Variants in KCNQ5 observed in about 807,000 individuals in gnomAD.
KCNQ5 encodes potassium voltage-gated channel subfamily Q member 5, also known as potassium voltage-gated channel subfamily KQT member 5.
In KCNQ5, 30 loss-of-function variants were observed where a neutral mutation model predicts 98.2. The ratio of observed to expected loss-of-function variants is 0.31; its 90% CI spans 0.23 to 0.41. The LOEUF is 0.41. Ranked by LOEUF, KCNQ5 falls within the 10% of genes least tolerant of loss-of-function variation. The probability of loss-of-function intolerance (pLI) is 1.00; values close to 1 mark genes in which losing one functional copy is unlikely to be tolerated. For synonymous variants in KCNQ5, 458 were observed against 449.4 expected (o/e 1.02, Z -0.24); for missense variants, 835 against 1,182.5 (o/e 0.71, Z 4.31).
intron 10 of KCNQ5, chr6:73,158,253 G>GTTTTTTTTGTTGTT (rs1562211876): frequency 6.4e-6 from 1 of 157,256 alleles, no homozygotes; most frequent in Non-Finnish European, 1.4e-5. Context: ...AATTTTGGAA[G>GTTTTTTTTGTTGTT]ATTTTTTTTT....
intron 3 of KCNQ5, among the ~76,000 whole-genome samples, chr6:73,064,239 A>G (rs976937908): frequency 2.0e-5 from 3 of 152,342 alleles, no homozygotes; most frequent in Non-Finnish European, 4.4e-5. Flanking sequence ...AGTTTCTTAA[A>G]GAAAAATTAC....
rs181876080 is a variant in KCNQ5, at chr6:72,642,358, A to G, written c.398+19771A>G. Among the ~76,000 whole-genome samples the G allele has an allele frequency of 1.8e-3, 275 of 152,102 alleles. 4 individuals carry two copies. The highest frequency in any genetic ancestry group is 4.0e-4 in the Non-Finnish European group (27 of 67,996). On this transcript the variant is annotated intron_variant, in intron 1 of 13. Transcript: ENST00000370398. Reference sequence around the variant, plus strand: ...ACTTTTATTTTAAGTTCTGGGGTACATGTGCAGGATGTGCAGGTTTGTTAC... The same window carrying G: ...ACTTTTATTTTAAGTTCTGGGGTACGTGTGCAGGATGTGCAGGTTTGTTAC...
chr6:72,931,843 G>T (rs1343858360), intron 1 of KCNQ5, among the ~76,000 whole-genome samples: 1 of 152,172 alleles, frequency 6.6e-6, no homozygotes, highest in Non-Finnish European at 1.5e-5. Flanking sequence ...CTGCCAGAGA[G>T]AGCTTCCAGA....
intron 1 of KCNQ5, among the ~76,000 whole-genome samples, chr6:72,805,878 T>G (rs1774927852): frequency 6.6e-6 from 1 of 152,158 alleles, no homozygotes; most frequent in Admixed American, 6.6e-5. Flanking sequence ...GTAGAACTCT[T>G]TCAATTCTTT....
At chr6:72,777,947 G>A (rs896542537) in intron 1 of KCNQ5, among the ~76,000 whole-genome samples, 1 of 152,190 alleles carries the variant, frequency 6.6e-6, no homozygotes. Context: ...TCAAATGCCT[G>A]TAGAATATTC....
rs557785804 is a variant in KCNQ5, at chr6:72,862,624, T to TTTTA, written c.399-141268_399-141265dup. Reference sequence around the variant, plus strand: ...AAACCTAGCCAATGTCTTCCTACTTTTTTATTTATTTATTTATTTTTGAGA... The same window carrying TTTTA: ...AAACCTAGCCAATGTCTTCCTACTTTTTTATTTATTTATTTATTTATTTTTGAGA... On this transcript the variant is annotated intron_variant, in intron 1 of 13. Transcript: ENST00000370398. Among the ~76,000 whole-genome samples the TTTTA allele has an allele frequency of 1.2e-3, 186 of 152,206 alleles. 2 individuals carry two copies. Among genetic ancestry groups the TTTTA allele is most frequent in the African/African-American group, 3.8e-3 (156 of 41,528 alleles).
intron 1 of KCNQ5, among the ~76,000 whole-genome samples, chr6:72,736,918 G>C (rs1286207202): frequency 6.6e-6 from 1 of 152,096 alleles, no homozygotes; most frequent in Non-Finnish European, 1.5e-5. Flanking sequence ...TTGTAATATA[G>C]AGCTTTTAAA....
chr6:72,794,879 G>T (rs1453808497), intron 1 of KCNQ5, among the ~76,000 whole-genome samples: 1 of 152,190 alleles, frequency 6.6e-6, no homozygotes, highest in Admixed American at 6.5e-5. Flanking sequence ...TCATTTGGTT[G>T]CAAGTTACAG....
At chr6:73,037,017 T>C (rs1041251405) in intron 2 of KCNQ5, among the ~76,000 whole-genome samples, 3 of 152,214 alleles carry the variant, frequency 2.0e-5, no homozygotes, top group African/African-American at 4.8e-5. Flanking sequence ...GTTGTCACTA[T>C]TTTTTGCCAC....
chr6:72,854,664 A>G (rs1483292957), intron 1 of KCNQ5, among the ~76,000 whole-genome samples: 3 of 150,606 alleles, frequency 2.0e-5, no homozygotes, highest in Non-Finnish European at 3.0e-5. Context: ...CAAAACATGA[A>G]AAAATCATAT....
intron 1 of KCNQ5, among the ~76,000 whole-genome samples, chr6:72,739,697 G>A (rs951057062): frequency 7.9e-5 from 12 of 152,150 alleles, no homozygotes; most frequent in African/African-American, 2.4e-4. Context: ...ACCTACAGAC[G>A]GTCTGTTCAG....
At chr6:72,658,909 C>A (rs780350813) in intron 1 of KCNQ5, among the ~76,000 whole-genome samples, 9 of 152,110 alleles carry the variant, frequency 5.9e-5, no homozygotes, top group Admixed American at 2.0e-4. Flanking sequence ...ATACACATTT[C>A]TTAGAATCAT....
intron 1 of KCNQ5, among the ~76,000 whole-genome samples, chr6:72,914,815 T>C (rs1431975598): frequency 6.6e-6 from 1 of 151,682 alleles, no homozygotes; most frequent in African/African-American, 2.4e-5. Flanking sequence ...CATTCGGGTC[T>C]CAAGCCAGGG....
intron 1 of KCNQ5, among the ~76,000 whole-genome samples, chr6:72,705,599 T>TTTTG (rs61085754): frequency 0.046 from 6,919 of 151,238 alleles, 492 homozygotes; most frequent in African/African-American, 0.16. Context: ...TGTTTTTTTT[T>TTTTG]TTGTTGTTGT....
chr6:73,156,977 G>A (rs1037622831), intron 10 of KCNQ5, among the ~76,000 whole-genome samples: 13 of 152,274 alleles, frequency 8.5e-5, no homozygotes, highest in African/African-American at 3.1e-4. Flanking sequence ...GTGGGGCCAC[G>A]GGGCTGGGGG....
chr6:72,756,270 G>A (rs1257008086), intron 1 of KCNQ5, among the ~76,000 whole-genome samples: 2 of 152,106 alleles, frequency 1.3e-5, no homozygotes, highest in Non-Finnish European at 2.9e-5. Flanking sequence ...TCTCTAATGG[G>A]CTCAAGGAAA....
chr6:72,961,965 C>T (rs1767376991), intron 1 of KCNQ5, among the ~76,000 whole-genome samples: 1 of 151,546 alleles, frequency 6.6e-6, no homozygotes, highest in Non-Finnish European at 1.5e-5. Context: ...TCCCTTGAGT[C>T]CAGGAGTTTG....
At chr6:73,148,493 A>G (rs1777009234) in intron 10 of KCNQ5, among the ~76,000 whole-genome samples, 1 of 152,238 alleles carries the variant, frequency 6.6e-6, no homozygotes, top group African/African-American at 2.4e-5. Flanking sequence ...AATCAAGTTT[A>G]CCAAATCACA....
At chr6:72,987,338 G>A (rs1388967053) in intron 1 of KCNQ5, 23 of 713,334 alleles carry the variant, frequency 3.2e-5, no homozygotes. Context: ...TAGACCAGGT[G>A]AGGCGAAAGG....
Sources: allele counts gnomAD v4.1 joint callset (sites outside exome capture counted in the v4.1 genomes callset), GRCh38; gene constraint gnomAD v4.1.1; transcripts MANE v1.5; gene names NCBI Gene and HGNC (gene_info 2026-07-23, HGNC 2026-07-21).